Variants in DNAL4 observed in about 807,000 individuals in gnomAD.
DNAL4 encodes dynein light chain, outer arm 4.
Under a neutral mutation model 12.6 loss-of-function variants are expected in DNAL4, and 10 were observed. The ratio of observed to expected loss-of-function variants is 0.79; its 90% CI spans 0.49 to 1.34. The LOEUF (loss-of-function observed/expected upper bound fraction) is 1.34, where lower values mean the gene tolerates loss of function less well. Ranked by LOEUF, DNAL4 falls within the 40% of genes most tolerant of loss-of-function variation. The pLI, the probability that DNAL4 is intolerant of heterozygous loss-of-function variation, is 0.00. For synonymous variants in DNAL4, 46 were observed against 53.1 expected, an observed-to-expected ratio of 0.87 and a Z score of 0.58; for missense variants, 128 against 138.1, an observed-to-expected ratio of 0.93 and a Z score of 0.37.
chr22:38,784,795 G>A (rs2093039718), intron 1 of DNAL4, among the ~76,000 whole-genome samples: 1 of 152,180 alleles, frequency 6.6e-6, no homozygotes, highest in Non-Finnish European at 1.5e-5. Flanking sequence ...TTACAGGCGT[G>A]AGCTACCGCG....
chr22:38,783,029 C>T (rs766804922), intron 1 of DNAL4, among the ~76,000 whole-genome samples, 159 bp from the exon 2 acceptor site: 23 of 152,198 alleles, frequency 1.5e-4, no homozygotes, highest in Non-Finnish European at 2.9e-4. Context: ...GATGAGTCAA[C>T]ACGAGATGCT....
intron 1 of DNAL4, among the ~76,000 whole-genome samples, chr22:38,790,003 G>C (rs2146170210): frequency 6.6e-6 from 1 of 152,288 alleles, no homozygotes; most frequent in South Asian, 2.1e-4. Flanking sequence ...TGGACGTGTA[G>C]ATGGGTCCTG....
chr22:38,783,314 G>A (rs1370830433), intron 1 of DNAL4, among the ~76,000 whole-genome samples: 4 of 149,736 alleles, frequency 2.7e-5, no homozygotes, highest in Non-Finnish European at 5.9e-5. Flanking sequence ...TACACACACG[G>A]GCCTTCCCTC....
intron 1 of DNAL4, among the ~76,000 whole-genome samples, chr22:38,790,520 A>G (rs774538631): frequency 6.6e-6 from 1 of 152,180 alleles, no homozygotes; most frequent in Non-Finnish European, 1.5e-5. Flanking sequence ...TTCATTTCAG[A>G]GCTGCAAAGT....
intron 3 of DNAL4, among the ~76,000 whole-genome samples, chr22:38,780,061 G>A (rs183760176): frequency 1.2e-4 from 19 of 152,280 alleles, no homozygotes; most frequent in Non-Finnish European, 2.5e-4. Context: ...GGGAGGCGCC[G>A]ACTACTCCCC....
intron 3 of DNAL4, 155 bp downstream of exon 3, chr22:38,780,767 TCTCA>T (rs2093033047): frequency 1.4e-6 from 1 of 696,538 alleles, no homozygotes; most frequent in Admixed American, 2.9e-5. Context: ...AGCGCCAGCC[TCTCA>T]CTCACTGACT....
chr22:38,793,507 T>C (rs1048971949), intron 1 of DNAL4, among the ~76,000 whole-genome samples: 3 of 152,128 alleles, frequency 2.0e-5, no homozygotes, highest in Non-Finnish European at 2.9e-5. Context: ...ATACCTCCCA[T>C]TGGGGAGCAC....
rs2093036364 is a variant in DNAL4, at chr22:38,782,805, C to T, written c.-74G>A. The T allele has an allele frequency of 7.1e-7, 1 of 1,403,082 alleles. No homozygotes were observed. Among genetic ancestry groups the T allele is most frequent in the African/African-American group, 1.5e-5 (1 of 67,088 alleles). 86.9% of individuals were successfully genotyped at this position (1,403,082 alleles called of 1,614,324 possible). On this transcript the variant is annotated 5_prime_UTR_variant, in exon 2 of 4. Coordinates refer to ENST00000216068, the MANE Select transcript of DNAL4 (RefSeq NM_005740.3). This position sits in a 1 kb window ranked among gnomAD's most constrained non-coding sequence, Gnocchi z 5.1. ...CTGGGACTGGCAGTTAAGACACACC[C>T]AGGAGATTCAGGAAGCAGGCCCTGC...
intron 1 of DNAL4, among the ~76,000 whole-genome samples, chr22:38,789,161 C>T (rs979598342): frequency 6.6e-6 from 1 of 152,148 alleles, no homozygotes; most frequent in African/African-American, 2.4e-5. Flanking sequence ...ACTAGCCCTA[C>T]GTTACTGGTA....
At chr22:38,792,791 G>A (rs1361387747) in intron 1 of DNAL4, among the ~76,000 whole-genome samples, 2 of 152,136 alleles carry the variant, frequency 1.3e-5, no homozygotes, top group East Asian at 3.8e-4. Flanking sequence ...CCTCCTGAAG[G>A]ACCTATCTAA....
intron 1 of DNAL4, among the ~76,000 whole-genome samples, chr22:38,788,784 C>T (rs1250788550): frequency 2.0e-5 from 3 of 152,226 alleles, no homozygotes; most frequent in Non-Finnish European, 4.4e-5. Flanking sequence ...GTGACATTAT[C>T]ACAGAAATAA....
intron 1 of DNAL4, among the ~76,000 whole-genome samples, chr22:38,786,893 C>T (rs902703232): frequency 6.6e-6 from 1 of 152,206 alleles, no homozygotes; most frequent in Admixed American, 6.5e-5. Flanking sequence ...TCACCATTCA[C>T]TATTCTGTGT....
intron 1 of DNAL4, chr22:38,785,414 C>A (rs1379311054): frequency 6.6e-6 from 1 of 152,208 alleles, no homozygotes; most frequent in African/African-American, 2.4e-5. Context: ...TGATTCAATT[C>A]ATCCCGGAGG....
At chr22:38,789,636 T>G (rs1001431582) in intron 1 of DNAL4, among the ~76,000 whole-genome samples, 2 of 152,142 alleles carry the variant, frequency 1.3e-5, no homozygotes, top group Non-Finnish European at 2.9e-5. Flanking sequence ...TTTAAGGAGC[T>G]TACAATCTAA....
chr22:38,790,248 C>G (rs2093048521), intron 1 of DNAL4, among the ~76,000 whole-genome samples: 1 of 152,102 alleles, frequency 6.6e-6, no homozygotes, highest in African/African-American at 2.4e-5. Flanking sequence ...GGAGCAGAGA[C>G]CGGAGGTAGG....
intron 3 of DNAL4, among the ~76,000 whole-genome samples, chr22:38,780,505 C>G (rs1433921187): frequency 1.3e-5 from 2 of 152,236 alleles, no homozygotes; most frequent in Non-Finnish European, 2.9e-5. Flanking sequence ...GATGAATGGC[C>G]TTCCTGCGTT....
chr22:38,788,570 T>C (rs535240862), intron 1 of DNAL4, among the ~76,000 whole-genome samples: 5 of 152,304 alleles, frequency 3.3e-5, no homozygotes, highest in South Asian at 2.1e-4. Context: ...ATAAGTGACA[T>C]TGACTCACAC....
chr22:38,791,312 A>G (rs1264219832), intron 1 of DNAL4, among the ~76,000 whole-genome samples: 4 of 152,262 alleles, frequency 2.6e-5, no homozygotes, highest in Admixed American at 6.5e-5. Flanking sequence ...GGCCCAGGAC[A>G]TTACTGGACA....
chr22:38,786,081 C>T (rs751415232), intron 1 of DNAL4: 14 of 152,178 alleles, frequency 9.2e-5, no homozygotes, highest in East Asian at 3.8e-4. Flanking sequence ...TTTTTTATGA[C>T]GCTGTATCAT....
Sources: gnomAD v4.1 joint callset for allele counts (sites outside exome capture counted in the v4.1 genomes callset) on GRCh38, gnomAD v4.1.1 for gene constraint, Gnocchi (gnomAD v3.1) non-coding constraint, MANE v1.5 for transcripts, NCBI Gene and HGNC (gene_info 2026-07-23, HGNC 2026-07-21) for gene names.